The following CTNNA3 variants were observed in gnomAD, a reference collection of about 807,000 sequenced individuals.
CTNNA3 encodes the protein catenin alpha 3.
A neutral mutation model predicts 95.7 loss-of-function variants in CTNNA3; 76 were observed. That is an observed-to-expected ratio of 0.79 (90% CI 0.66 to 0.96). The LOEUF is 0.96. Ranked by LOEUF, CTNNA3 falls within the 40% of genes least tolerant of loss-of-function variation. CTNNA3 has a pLI of 0.00. For missense variants in CTNNA3, 1,191 were observed against 1,089.8 expected, an observed-to-expected ratio of 1.09 and a Z score of -1.31; for synonymous variants, 431 against 374.4, an observed-to-expected ratio of 1.15 and a Z score of -1.74.
At chr10:67,456,230 G>C (rs191052069) in intron 5 of CTNNA3, among the ~76,000 whole-genome samples, 9 of 152,182 alleles carry the variant, frequency 5.9e-5, no homozygotes, top group Non-Finnish European at 1.3e-4. Flanking sequence ...GTACCAAAGA[G>C]AATTAAGAGG....
At chr10:65,938,889 C>G (rs1396726948) in intron 17 of CTNNA3, among the ~76,000 whole-genome samples, 1 of 142,358 alleles carries the variant, frequency 7.0e-6, no homozygotes, top group African/African-American at 2.6e-5. Flanking sequence ...AAAGAGTTTT[C>G]CTTTTTTTTT....
intron 9 of CTNNA3, among the ~76,000 whole-genome samples, chr10:66,685,172 T>TACACAC (rs1209652475): frequency 9.1e-6 from 1 of 109,910 alleles, no homozygotes; most frequent in Non-Finnish European, 1.8e-5. Flanking sequence ...TATATATATA[T>TACACAC]ATACACATAT....
rs76861570 is a variant in CTNNA3 at position 67,680,291 on chromosome 10, A to G, written c.-6+15709T>C. ...ACTGGTAAGGGTAAGGGAGAAGTAC[A>G]AAAGCATTTCATATTTTAACAATTT... On this transcript the variant is annotated intron_variant, in intron 1 of 17. Transcript: ENST00000433211. 5.1e-3 allele frequency among the ~76,000 whole-genome samples: 771 copies of G among 152,328 alleles called. 7 individuals carry two copies. The highest frequency in any genetic ancestry group is 0.018 in the African/African-American group (733 of 41,570).
chr10:67,092,797 G>C (rs906185160), intron 7 of CTNNA3, among the ~76,000 whole-genome samples: 3 of 151,908 alleles, frequency 2.0e-5, no homozygotes, highest in African/African-American at 7.2e-5. Flanking sequence ...TATGAGACTT[G>C]GCACATCACT....
chr10:66,807,984 T>A (rs1451130494), intron 7 of CTNNA3, among the ~76,000 whole-genome samples: 1 of 152,132 alleles, frequency 6.6e-6, no homozygotes, highest in Non-Finnish European at 1.5e-5. Context: ...TCAGTATGCT[T>A]AATTTAGTTA....
rs1842664962 is a variant in CTNNA3, at chr10:66,565,065, T to A, written c.1375-44292A>T. Among the ~76,000 whole-genome samples, 2 of 152,190 alleles carry A rather than the reference T, an allele frequency of 1.3e-5. 1 individual carries two copies. The highest frequency in any genetic ancestry group is 1.3e-4 in the Admixed American group (2 of 15,266). ...AAATGCATTCCAAGTTTCAAATTAC[T>A]GAGTCATAAAACAATAATTGAAATA... On this transcript the variant is annotated intron_variant, in intron 10 of 17. Transcript: ENST00000433211.
chr10:66,592,125 G>T (rs1023457085), intron 10 of CTNNA3, among the ~76,000 whole-genome samples: 1 of 151,328 alleles, frequency 6.6e-6, no homozygotes, highest in Non-Finnish European at 1.5e-5. Flanking sequence ...GGTGACTCAT[G>T]ACTCAACCAT....
chr10:67,504,009 C>T (rs937198128), intron 5 of CTNNA3, among the ~76,000 whole-genome samples: 10 of 146,120 alleles, frequency 6.8e-5, no homozygotes, highest in South Asian at 4.6e-4. Context: ...TACAAAAAAT[C>T]AGCTGGGCAT....
intron 11 of CTNNA3, among the ~76,000 whole-genome samples, chr10:66,516,789 A>C (rs1840874417): frequency 1.3e-5 from 2 of 152,162 alleles, no homozygotes; most frequent in African/African-American, 4.8e-5. Flanking sequence ...TCTGGGAAAG[A>C]CTTTCTTCTC....
At chr10:67,423,837 A>C (rs1229517714) in intron 5 of CTNNA3, among the ~76,000 whole-genome samples, 10 of 152,158 alleles carry the variant, frequency 6.6e-5, no homozygotes, top group African/African-American at 2.4e-4. Context: ...GAATAAATGA[A>C]GGTCGGGGAC....
chr10:67,430,046 A>G (rs2394374), intron 5 of CTNNA3, among the ~76,000 whole-genome samples: 104,912 of 151,410 alleles, frequency 0.69, 41,023 homozygotes, highest in Non-Finnish European at 0.87. Flanking sequence ...TGAGAAGAGT[A>G]TATTACTTTC....
intron 1 of CTNNA3, among the ~76,000 whole-genome samples, chr10:67,715,229 T>G (rs57030984): frequency 6.6e-6 from 1 of 152,210 alleles, no homozygotes; most frequent in Non-Finnish European, 1.5e-5. Flanking sequence ...GAGTCACACA[T>G]AGTTTTCAAT....
intron 13 of CTNNA3, among the ~76,000 whole-genome samples, chr10:66,261,980 C>A (rs539519697): frequency 6.6e-6 from 1 of 152,086 alleles, no homozygotes; most frequent in South Asian, 2.1e-4. Context: ...CCATCTTCTC[C>A]TTCGATGGCC....
intron 5 of CTNNA3, among the ~76,000 whole-genome samples, chr10:67,229,855 A>G (rs1865105987): frequency 6.6e-6 from 1 of 152,224 alleles, no homozygotes; most frequent in African/African-American, 2.4e-5. Context: ...TCCCATGCTC[A>G]TGGATGGGTA....
chr10:65,991,198 C>T (rs2078538241), intron 15 of CTNNA3, among the ~76,000 whole-genome samples: 1 of 151,898 alleles, frequency 6.6e-6, no homozygotes, highest in African/African-American at 2.4e-5. Flanking sequence ...GTGTTGTGTC[C>T]TTTTTCCTGT....
At chr10:66,937,225 T>C (rs1847756910) in intron 7 of CTNNA3, among the ~76,000 whole-genome samples, 1 of 152,180 alleles carries the variant, frequency 6.6e-6, no homozygotes, top group African/African-American at 2.4e-5. Context: ...TTAGTAACTG[T>C]GAAACCTTGA....
chr10:66,926,953 G>C lies in CTNNA3; in HGVS notation c.1048-151429C>G, dbSNP rs774437600. ...TGTAATTAGGCTACTGAGCGGATCA[G>C]CTGTAGCACTGGTTATAGCCCCCAC... On this transcript the variant is annotated intron_variant, in intron 7 of 17. Transcript: ENST00000433211. The C allele has an allele frequency of 7.4e-6, 12 of 1,612,166 alleles. No homozygotes were observed. The African/African-American group carries it at 1.5e-4, about 20-fold the overall frequency.
intron 17 of CTNNA3, among the ~76,000 whole-genome samples, chr10:65,938,586 T>G (rs2077379040): frequency 6.6e-6 from 1 of 152,174 alleles, no homozygotes; most frequent in Admixed American, 6.5e-5. Flanking sequence ...TCATCTAATG[T>G]TCTTCCTGGA....
chr10:67,074,601 C>T (rs563073911), intron 7 of CTNNA3, among the ~76,000 whole-genome samples: 7 of 151,448 alleles, frequency 4.6e-5, no homozygotes, highest in South Asian at 4.2e-4. Context: ...CCACCCACCT[C>T]GGGTTCCCAA....
Sources: allele counts gnomAD v4.1 joint callset (sites outside exome capture counted in the v4.1 genomes callset), GRCh38; gene constraint gnomAD v4.1.1; transcripts MANE v1.5; gene names NCBI Gene and HGNC (gene_info 2026-07-23, HGNC 2026-07-21).